Variants in KSR2 observed in about 807,000 individuals in gnomAD.
The protein encoded by KSR2 is kinase suppressor of ras 2.
Under a neutral mutation model 107.8 loss-of-function variants are expected in KSR2, and 25 were observed. The observed-to-expected ratio is 0.23, with a 90% CI of 0.17 to 0.32. The LOEUF (loss-of-function observed/expected upper bound fraction) is 0.32, where lower values mean the gene tolerates loss of function less well. Among genes scored for constraint, KSR2 ranks in the 10% least tolerant of loss-of-function variants. KSR2 has a pLI of 1.00. For synonymous variants in KSR2, 480 were observed against 507.0 expected (o/e 0.95, Z 0.71); for missense variants, 887 against 1,268.9 (o/e 0.70, Z 4.57).
intron 4 of KSR2, among the ~76,000 whole-genome samples, chr12:117,758,818 T>C (rs1001667303): frequency 1.3e-5 from 2 of 152,112 alleles, no homozygotes; most frequent in Admixed American, 6.5e-5. Flanking sequence ...TGATCAAGTT[T>C]CGCCTTACTA....
chr12:117,671,646 T>C (rs1407531168), intron 4 of KSR2, among the ~76,000 whole-genome samples: 1 of 152,254 alleles, frequency 6.6e-6, no homozygotes, highest in African/African-American at 2.4e-5. Flanking sequence ...GTTTACCCTG[T>C]TGGATCCTTC....
At chr12:117,580,788 G>T (rs529812736) in intron 6 of KSR2, among the ~76,000 whole-genome samples, 2 of 152,228 alleles carry the variant, frequency 1.3e-5, no homozygotes, top group Admixed American at 6.5e-5. Flanking sequence ...GACGATCTAG[G>T]GGGTGGGGCT....
chr12:117,615,381 T>A (rs1010174540), intron 5 of KSR2, among the ~76,000 whole-genome samples: 4 of 33,870 alleles, frequency 1.2e-4, no homozygotes, highest in Non-Finnish European at 2.1e-4. Flanking sequence ...TGCCAACCAA[T>A]GTTAAATGCT....
At chr12:117,535,604 TTGTGTGTGTGTGTGTGTGTGTGTGTGTG>T (rs5801239) in intron 10 of KSR2, among the ~76,000 whole-genome samples, 1 of 142,232 alleles carries the variant, frequency 7.0e-6, no homozygotes, top group Admixed American at 7.0e-5. Context: ...TTTCCTGGAG[TTGTGTGTGTGTGTGTGTGTGTGTGTGTG>T]TGTGTGTGTG....
At chr12:117,731,262 CT>C (rs1369324585) in intron 4 of KSR2, among the ~76,000 whole-genome samples, 2 of 149,094 alleles carry the variant, frequency 1.3e-5, no homozygotes, top group Non-Finnish European at 3.0e-5. Context: ...TGAGGAGCCC[CT>C]CCTCCCAGCA....
intron 7 of KSR2, among the ~76,000 whole-genome samples, chr12:117,570,681 T>C (rs1878829383): frequency 6.6e-6 from 1 of 152,236 alleles, no homozygotes; most frequent in Non-Finnish European, 1.5e-5. Flanking sequence ...GAACAACGTA[T>C]TTAAAGATTC....
chr12:117,501,219 T>G (rs2137176064), intron 14 of KSR2, among the ~76,000 whole-genome samples: 1 of 152,378 alleles, frequency 6.6e-6, no homozygotes, highest in South Asian at 2.1e-4. Flanking sequence ...GCCATACTTT[T>G]TGTCTGCAAA....
chr12:117,558,438 C>T (rs1279662788), intron 8 of KSR2, 68 bp downstream of exon 8: 1 of 1,238,920 alleles, frequency 8.1e-7, no homozygotes. Context: ...GATGGGACAG[C>T]TATGTGGGGG....
In KSR2 at chr12:117,454,103, G is replaced by A. The variant is rs569441314; in HGVS notation, c.*13096C>T. ...ATGTCCCCCTAGAGGTGGGATTCTGGGGGAGGTTCATTTGGGTGATTGAGA... is the reference window on the plus strand; with the variant it reads ...ATGTCCCCCTAGAGGTGGGATTCTGAGGGAGGTTCATTTGGGTGATTGAGA... On this transcript the variant is annotated 3_prime_UTR_variant, in exon 20 of 20. Transcript: ENST00000339824. 1 of 152,168 alleles carries A rather than the reference G, an allele frequency of 6.6e-6. No individual in the cohort carries two copies. The highest frequency in any genetic ancestry group is 1.5e-5 in the Non-Finnish European group (1 of 68,002). 9.4% of individuals were successfully genotyped at this position (152,168 alleles called of 1,614,324 possible). A position where few individuals can be genotyped will look rare whatever the true frequency, so the allele number is the denominator to read the frequency against.
In KSR2 at chr12:117,525,234, GGA is replaced by G; in HGVS notation, c.1852-17_1852-16del. On this transcript the variant is annotated splice_polypyrimidine_tract_variant and intron_variant, in intron 13 of 19. Transcript: ENST00000339824. ...ACCTCTTCATTCTGTGGCCGGAGTG[GGA>G]GAGAGGTCAGAATTGTGTCTGCCAC... is the stretch of plus-strand genomic sequence containing the variant. The G allele has an allele frequency of 6.4e-7, 1 of 1,570,466 alleles. No individual in the cohort carries two copies. The highest frequency in any genetic ancestry group is 8.7e-7 in the Non-Finnish European group (1 of 1,154,830).
intron 1 of KSR2, among the ~76,000 whole-genome samples, chr12:117,911,172 T>A (rs1279648098): frequency 2.9e-5 from 4 of 137,548 alleles, no homozygotes; most frequent in East Asian, 4.2e-4. Flanking sequence ...TCTCTCTCTC[T>A]CTCACACACA....
At chr12:117,890,167 C>T (rs981321581) in intron 1 of KSR2, among the ~76,000 whole-genome samples, 4 of 152,174 alleles carry the variant, frequency 2.6e-5, no homozygotes, top group African/African-American at 7.2e-5. Flanking sequence ...GGATCATCCT[C>T]GAAAAGGTCT....
chr12:117,657,034 C>T (rs944700750), intron 5 of KSR2, among the ~76,000 whole-genome samples: 3 of 135,142 alleles, frequency 2.2e-5, no homozygotes, highest in Non-Finnish European at 4.6e-5. Flanking sequence ...TTCTATCCCT[C>T]TAAGAGAATC....
chr12:117,675,886 G>A (rs773218495), intron 4 of KSR2, among the ~76,000 whole-genome samples: 49 of 152,160 alleles, frequency 3.2e-4, no homozygotes, highest in Non-Finnish European at 4.7e-4. Flanking sequence ...CTTGCAGACC[G>A]CCCTGTACAG....
intron 1 of KSR2, among the ~76,000 whole-genome samples, chr12:117,862,013 A>AT (rs140172842): frequency 0.017 from 2,589 of 151,784 alleles, 81 homozygotes; most frequent in African/African-American, 0.059. Context: ...CTTTATATAC[A>AT]TTTTTTTGTA....
chr12:117,739,169 C>T (rs1299911369), intron 4 of KSR2, among the ~76,000 whole-genome samples: 2 of 152,236 alleles, frequency 1.3e-5, no homozygotes, highest in Non-Finnish European at 2.9e-5. Flanking sequence ...TCCTGGCTGA[C>T]ACGGTGAAAC....
intron 16 of KSR2, among the ~76,000 whole-genome samples, chr12:117,480,740 C>A (rs1331651540): frequency 1.3e-5 from 2 of 152,124 alleles, no homozygotes; most frequent in Non-Finnish European, 2.9e-5. Flanking sequence ...CTCATAAGCC[C>A]ACAATCTGAG....
intron 4 of KSR2, among the ~76,000 whole-genome samples, chr12:117,676,860 C>A (rs1315769179): frequency 6.6e-6 from 1 of 152,146 alleles, no homozygotes; most frequent in Non-Finnish European, 1.5e-5. Context: ...ATGTTCATGG[C>A]AGCGTTATTC....
chr12:117,840,397 CTATT>C (rs1461891280), intron 3 of KSR2, among the ~76,000 whole-genome samples: 2 of 151,908 alleles, frequency 1.3e-5, no homozygotes, highest in South Asian at 4.2e-4. Flanking sequence ...CACACCTGGC[CTATT>C]TATTTATTTA....
Sources: allele counts gnomAD v4.1 joint callset (sites outside exome capture counted in the v4.1 genomes callset), GRCh38; gene constraint gnomAD v4.1.1; transcripts MANE v1.5; gene names NCBI Gene and HGNC (gene_info 2026-07-23, HGNC 2026-07-21).